Variants in HMCN1 observed in about 807,000 individuals in gnomAD.
The protein encoded by HMCN1 is hemicentin 1, also known as hemicentin-1.
Under a neutral mutation model 625.9 loss-of-function variants are expected in HMCN1, and 321 were observed. The ratio of observed to expected loss-of-function variants is 0.51; its 90% CI spans 0.47 to 0.56. HMCN1 has a LOEUF of 0.56. HMCN1 is among the 20% of genes least tolerant of loss of function. The probability of loss-of-function intolerance (pLI) is 0.00; values close to 1 mark genes in which losing one functional copy is unlikely to be tolerated. For synonymous variants in HMCN1, 2,425 were observed against 2,417.6 expected, an observed-to-expected ratio of 1.00 and a Z score of -0.09; for missense variants, 6,588 against 6,887.3, an observed-to-expected ratio of 0.96 and a Z score of 1.54.
chr1:186,037,281 A>T (rs917896258), intron 36 of HMCN1, among the ~76,000 whole-genome samples: 3 of 152,158 alleles, frequency 2.0e-5, no homozygotes, highest in East Asian at 3.9e-4. Context: ...TATTGTTGAA[A>T]ACATGGCATT....
intron 6 of HMCN1, among the ~76,000 whole-genome samples, chr1:185,917,130 C>T (rs2102465667): frequency 6.6e-6 from 1 of 152,104 alleles, no homozygotes; most frequent in Non-Finnish European, 1.5e-5. Context: ...TAGGAATCAG[C>T]TATGATGGGA....
chr1:185,985,187 C>T (rs1022221155), intron 19 of HMCN1, among the ~76,000 whole-genome samples: 1 of 152,236 alleles, frequency 6.6e-6, no homozygotes, highest in Non-Finnish European at 1.5e-5. Flanking sequence ...CTCAGTTTTA[C>T]GTTAAGTATC....
In HMCN1 at chr1:186,094,286, G is replaced by A. The variant is rs559838987; in HGVS notation, c.10207G>A (p.Ala3403Thr). The change falls in exon 67 of 107, where the codon GCT becomes ACT. Residue 3403 changes from alanine to threonine, a missense_variant. Around this residue, in one of 3 missense-constraint regions of HMCN1, gnomAD observed 4,628 missense variants for 4,853.1 expected, o/e 0.95. Transcript: ENST00000271588. ...AAGQVIRIVR[A>T]QVSDVAVYTC... is the part of the protein sequence containing the mutation. The stretch of plus-strand genomic sequence containing the variant: ...CAAATTGTTTCTCAGGATTGTGAGA[G>A]CTCAGGTGTCTGATGTCGCTGTGTA... The A allele has an allele frequency of 3.1e-6, 5 of 1,612,576 alleles. No homozygotes were observed. Among genetic ancestry groups the A allele is most frequent in the Non-Finnish European group, 4.2e-6 (5 of 1,178,998 alleles).
rs547882858 is a variant in HMCN1, at chr1:185,946,915, A to G, written c.1828+13091A>G. Among the ~76,000 whole-genome samples the G allele has an allele frequency of 2.6e-5, 4 of 152,332 alleles. No individual in the cohort carries two copies. In the East Asian group the frequency reaches 7.7e-4, roughly 29 times the overall value. ...TAGATTCTTAAGAAAAGAAATCTTG[A>G]TGCATATTTGCCATTAAGAGTCTGT... On this transcript the variant is annotated intron_variant, in intron 11 of 106. Coordinates refer to ENST00000271588, the MANE Select transcript of HMCN1 (RefSeq NM_031935.3).
At position 185,888,860 on chromosome 1, in the gene HMCN1, C is replaced by T. The variant is rs1335704669; in HGVS notation, c.622-20477C>T. On this transcript the variant is annotated intron_variant, in intron 4 of 106. Coordinates refer to ENST00000271588, the MANE Select transcript of HMCN1 (RefSeq NM_031935.3). ...ATTCTGTGAAGAAAGGCATTGGTAGCTTGATGGGGATGGCATTGAATCTGT... is the reference window on the plus strand; with the variant it reads ...ATTCTGTGAAGAAAGGCATTGGTAGTTTGATGGGGATGGCATTGAATCTGT... 1.4e-5 allele frequency among the ~76,000 whole-genome samples: 2 copies of T among 147,156 alleles called. 1 individual carries two copies. The highest frequency in any genetic ancestry group is 3.9e-4 in the East Asian group (2 of 5,190).
At chr1:186,018,944 C>T (rs1450292976) in intron 34 of HMCN1, among the ~76,000 whole-genome samples, 1 of 152,074 alleles carries the variant, frequency 6.6e-6, no homozygotes, top group Non-Finnish European at 1.5e-5. Flanking sequence ...GAACGAGAAA[C>T]TGGAGAGCCA....
rs139508768 is a variant in HMCN1, at chr1:186,188,201, C to A, written c.16541+192C>A. On this transcript the variant is annotated intron_variant, in intron 106 of 106. Transcript: ENST00000271588. ...GAGCTCATCCTGCAGCAGCCACTGCCACCCAAGCTCACTCTTGGCTGCCAG... is the reference window on the plus strand; with the variant it reads ...GAGCTCATCCTGCAGCAGCCACTGCAACCCAAGCTCACTCTTGGCTGCCAG... 2.9e-3 allele frequency among the ~76,000 whole-genome samples: 446 copies of A among 152,344 alleles called. 2 individuals are homozygous for A. Among genetic ancestry groups the A allele is most frequent in the South Asian group, 8.1e-3 (39 of 4,830 alleles).
At chr1:185,856,281 G>A (rs556358026) in intron 2 of HMCN1, among the ~76,000 whole-genome samples, 1 of 152,178 alleles carries the variant, frequency 6.6e-6, no homozygotes, top group South Asian at 2.1e-4. Context: ...CTGAGTTCAC[G>A]AGTTTGAGAC....
At chr1:185,780,576 G>A (rs149088065) in intron 1 of HMCN1, among the ~76,000 whole-genome samples, 4,907 of 152,132 alleles carry the variant, frequency 0.032, 264 homozygotes, top group African/African-American at 0.11. Context: ...GAATTTTGTC[G>A]AAGGCCTTTT....
intron 11 of HMCN1, among the ~76,000 whole-genome samples, chr1:185,952,204 G>A (rs943253093): frequency 1.3e-5 from 2 of 151,840 alleles, no homozygotes; most frequent in African/African-American, 4.9e-5. Flanking sequence ...CTTTTTAAGG[G>A]TAAATTGCTG....
intron 1 of HMCN1, among the ~76,000 whole-genome samples, chr1:185,838,882 G>T (rs1031693146): frequency 6.6e-6 from 1 of 152,164 alleles, no homozygotes; most frequent in Admixed American, 6.5e-5. Flanking sequence ...TTTGTTGAAT[G>T]AATTGAAGCA....
At position 186,187,885 on chromosome 1, in the gene HMCN1, A is replaced by C. The variant is rs1376414557; in HGVS notation, c.16417A>C (p.Ile5473Leu). Residue 5473 changes from isoleucine (I) to leucine (L), a missense_variant and splice_region_variant, in exon 106 of 107, where the codon ATC becomes CTC. Coordinates refer to ENST00000271588, the MANE Select transcript of HMCN1 (RefSeq NM_031935.3). The part of the protein sequence containing the change: ...LTHNGKTCQD[I>L]DECLEQNVHC... ...CATGTTCCCTGTGCTGTCCCTAGAT[A>C]TCGATGAATGTCTGGAGCAGAATGT... 4.3e-6 allele frequency: 7 copies of C among 1,613,540 alleles called. No individual in the cohort carries two copies. Among genetic ancestry groups the C allele is most frequent in the Non-Finnish European group, 5.9e-6 (7 of 1,179,690 alleles).
At chr1:186,043,925 A>C (rs1373422286) in intron 40 of HMCN1, among the ~76,000 whole-genome samples, 1 of 151,990 alleles carries the variant, frequency 6.6e-6, no homozygotes, top group Non-Finnish European at 1.5e-5. Flanking sequence ...CAACAGCAAC[A>C]AAAAAATTAG....
intron 57 of HMCN1, among the ~76,000 whole-genome samples, chr1:186,083,979 G>A (rs1321118261): frequency 6.6e-6 from 1 of 152,132 alleles, no homozygotes; most frequent in Non-Finnish European, 1.5e-5. Context: ...CATTGTGAAA[G>A]CACACATTCT....
intron 1 of HMCN1, among the ~76,000 whole-genome samples, chr1:185,802,189 C>T (rs879497889): frequency 2.6e-5 from 4 of 151,964 alleles, no homozygotes; most frequent in Admixed American, 2.6e-4. Context: ...CATGTCAACA[C>T]CTAAGTTTTT....
chr1:186,023,566 G>A (rs1389491083), intron 36 of HMCN1, among the ~76,000 whole-genome samples: 1 of 152,050 alleles, frequency 6.6e-6, no homozygotes, highest in Non-Finnish European at 1.5e-5. Flanking sequence ...TTTCTCCAAT[G>A]TGCTGTAATA....
At chr1:185,951,131 T>C (rs1225631457) in intron 11 of HMCN1, among the ~76,000 whole-genome samples, 1 of 151,360 alleles carries the variant, frequency 6.6e-6, no homozygotes, top group Non-Finnish European at 1.5e-5. Flanking sequence ...AGGTATCTTA[T>C]ACTTGTGGGT....
intron 63 of HMCN1, among the ~76,000 whole-genome samples, chr1:186,089,254 A>C (rs1659701889): frequency 6.6e-6 from 1 of 152,054 alleles, no homozygotes. Flanking sequence ...ACATAGTATT[A>C]AGCATTGCAG....
chr1:186,129,908 T>A (rs548075678), intron 83 of HMCN1, 58 bp from the exon 84 acceptor site: 1 of 1,606,412 alleles, frequency 6.2e-7, no homozygotes, highest in Non-Finnish European at 8.5e-7. Flanking sequence ...TACTGAGCTG[T>A]CGTGAAATTT....
Sources: allele counts gnomAD v4.1 joint callset (sites outside exome capture counted in the v4.1 genomes callset), GRCh38; gene constraint gnomAD v4.1.1; regional missense constraint gnomAD v4.1.1; transcripts MANE v1.5; gene names NCBI Gene and HGNC (gene_info 2026-07-23, HGNC 2026-07-21).